ZKSCAN4: variants seen among roughly 807,000 people sequenced by gnomAD.
ZKSCAN4 encodes the protein zinc finger with KRAB and SCAN domains 4.
A neutral mutation model predicts 30.8 loss-of-function variants in ZKSCAN4; 23 were observed. The ratio of observed to expected loss-of-function variants is 0.75; its 90% CI spans 0.54 to 1.06. The LOEUF (loss-of-function observed/expected upper bound fraction) is 1.06, where lower values mean the gene tolerates loss of function less well. ZKSCAN4 is among the 50% of genes least tolerant of loss of function. The pLI is 0.00. For synonymous variants in ZKSCAN4, 208 were observed against 252.5 expected, an observed-to-expected ratio of 0.82 and a Z score of 1.67; for missense variants, 556 against 665.4, an observed-to-expected ratio of 0.84 and a Z score of 1.81.
Position 28,245,057 on chromosome 6 carries a change from T to C in ZKSCAN4, c.*59A>G. Reference sequence around the variant, plus strand: ...CACAATTTCTGTAACCATTAAGGGCTCCAGGGTGGCTTCAGTTCAGTGACA... The same window carrying C: ...CACAATTTCTGTAACCATTAAGGGCCCCAGGGTGGCTTCAGTTCAGTGACA... On this transcript the variant is annotated 3_prime_UTR_variant, in exon 5 of 5. Transcript: ENST00000377294. The C allele has an allele frequency of 1.9e-6, 3 of 1,610,578 alleles. No homozygotes were observed. The highest frequency in any genetic ancestry group is 2.5e-6 in the Non-Finnish European group (3 of 1,177,320).
chr6:28,257,940 A>C, the ZKSCAN4 span, among the ~76,000 whole-genome samples: 2 of 152,248 alleles, frequency 1.3e-5, no homozygotes, highest in Non-Finnish European at 2.9e-5. Flanking sequence ...TCCAAAAGAA[A>C]ATTTTCTTTA....
Position 28,248,094 on chromosome 6 carries a change from T to A in ZKSCAN4, c.627A>T (p.Val209=). The A allele has an allele frequency of 6.2e-7, 1 of 1,613,566 alleles. No homozygotes were observed. Among genetic ancestry groups the A allele is most frequent in the Non-Finnish European group, 8.5e-7 (1 of 1,179,748 alleles). Residue 209 remains valine, a synonymous_variant, in exon 3 of 5, where the codon GTA becomes GTT. Transcript: ENST00000377294. ...GGGACCCTGGAGTGAGCCTGGAAGCTACCATTGCATCTTCTCTGCAGCACC... is the reference window on the plus strand; with the variant it reads ...GGGACCCTGGAGTGAGCCTGGAAGCAACCATTGCATCTTCTCTGCAGCACC... ...QGGCCREDAM[V]ASRLTPGSQG... is the part of the protein sequence containing the mutation.
At chr6:28,246,474 G>A (rs565756344) in intron 4 of ZKSCAN4, among the ~76,000 whole-genome samples, 3 of 152,198 alleles carry the variant, frequency 2.0e-5, no homozygotes, top group East Asian at 3.9e-4. Context: ...TGGCATTGGC[G>A]CTAGGAGTTC....
At chr6:28,253,725 G>A (rs528580398), upstream of ZKSCAN4, among the ~76,000 whole-genome samples, 2 of 152,298 alleles carry the variant, frequency 1.3e-5, no homozygotes, top group South Asian at 2.1e-4. The surrounding 1 kb of genome is among the most constrained non-coding windows in gnomAD (Gnocchi z 4.2). Context: ...TTTGTTTTGC[G>A]ACAGAGTCTT....
upstream of ZKSCAN4, among the ~76,000 whole-genome samples, chr6:28,253,180 G>T (rs952695672): frequency 6.6e-6 from 1 of 152,202 alleles, no homozygotes; most frequent in Admixed American, 6.5e-5. The surrounding 1 kb of genome is among the most constrained non-coding windows in gnomAD (Gnocchi z 4.2). Flanking sequence ...AAAGCCCTGA[G>T]AATTCTTTGA....
At position 28,242,260 on chromosome 6, in the gene ZKSCAN4, T is replaced by G. The variant is rs1760522447; in HGVS notation, c.*2856A>C. On this transcript the variant is annotated 3_prime_UTR_variant, in exon 5 of 5. Transcript: ENST00000377294. ...AGATCTAATTTCATTGGAAAATAAC[T>G]TTTTTGGCCATCCTTTCAATAGGCT... Among the ~76,000 whole-genome samples the G allele has an allele frequency of 6.6e-6, 1 of 152,172 alleles. No homozygotes were observed.
chr6:28,249,646 G>T lies in ZKSCAN4; in HGVS notation c.571+41C>A. On this transcript the variant is annotated intron_variant, in intron 2 of 4. Transcript: ENST00000377294. This position sits in a 1 kb window ranked among gnomAD's most constrained non-coding sequence, Gnocchi z 4.1. ...AGGTGATCCTTAAATGAAATTGGAT[G>T]AAGTCTATAGAATTCATACAACCCA... 6.3e-7 allele frequency: 1 copy of T among 1,586,822 alleles called. No homozygotes were observed. The highest frequency in any genetic ancestry group is 8.6e-7 in the Non-Finnish European group (1 of 1,165,844).
At chr6:28,256,606 C>G (rs1201225196), upstream of ZKSCAN4, among the ~76,000 whole-genome samples, 1 of 152,114 alleles carries the variant, frequency 6.6e-6, no homozygotes, top group Non-Finnish European at 1.5e-5. Flanking sequence ...AAAACTGTCC[C>G]TATTTTCTTA....
chr6:28,251,565 G>A lies in ZKSCAN4; in HGVS notation c.416C>T (p.Ala139Val), dbSNP rs183717456. The A allele has an allele frequency of 3.0e-4, 483 of 1,614,124 alleles. 2 individuals are homozygous for A. The Admixed American group carries it at 7.6e-3, about 25-fold the overall frequency. ...EYLERQLDEP[A>V]PQVPVGDQGQ... is the part of the protein sequence containing the mutation. ...TAAACCTGTTCTTTCTACCTGCGGC[G>A]CCGGCTCATCCAGCTGCCTCTCCAA... Residue 139 changes from alanine (A) to valine (V), a missense_variant, in exon 1 of 5, where the codon GCG (alanine) becomes GTG (valine). This residue lies in a region of ZKSCAN4 where 433 missense variants were observed against 511.5 expected (regional missense o/e 0.85). Coordinates refer to ENST00000377294, the MANE Select transcript of ZKSCAN4 (RefSeq NM_019110.5). This position sits in a 1 kb window ranked among gnomAD's most constrained non-coding sequence, Gnocchi z 4.5.
Position 28,249,332 on chromosome 6 carries a change from T to C in ZKSCAN4, c.571+355A>G, listed in dbSNP as rs973807365. Among the ~76,000 whole-genome samples, 2 of 152,222 alleles carry C rather than the reference T, an allele frequency of 1.3e-5. No individual in the cohort carries two copies. Among genetic ancestry groups the C allele is most frequent in the African/African-American group, 2.4e-5 (1 of 41,448 alleles). ...TTATTTTCTATCCTCCCTGCTAGAA[T>C]GTAAGCTCCATCAAAGCAAGAATTC... On this transcript the variant is annotated intron_variant, in intron 2 of 4. Coordinates refer to ENST00000377294, the MANE Select transcript of ZKSCAN4 (RefSeq NM_019110.5). This position sits in a 1 kb window ranked among gnomAD's most constrained non-coding sequence, Gnocchi z 4.1.
Position 28,249,912 on chromosome 6 carries a change from C to CT in ZKSCAN4, c.424-79dup, listed in dbSNP as rs1204972802. The CT allele has an allele frequency of 6.6e-7, 1 of 1,506,516 alleles. No individual in the cohort carries two copies. The highest frequency in any genetic ancestry group is 2.3e-5 in the East Asian group (1 of 44,272). 93.3% of individuals were successfully genotyped at this position (1,506,516 alleles called of 1,614,324 possible). On this transcript the variant is annotated intron_variant, in intron 1 of 4. Transcript: ENST00000377294. The surrounding 1 kb of genome is among the most constrained non-coding windows in gnomAD (Gnocchi z 4.1). ...GCAAGTGATTTCTATTTTCTAGGCA[C>CT]TGTTTCTACAAGCCTTATGATATTA...
Position 28,252,261 on chromosome 6 carries a change from G to A in ZKSCAN4, c.-281C>T, listed in dbSNP as rs937948771. The A allele has an allele frequency of 2.9e-5, 8 of 275,216 alleles. No individual in the cohort carries two copies. The highest frequency in any genetic ancestry group is 5.4e-5 in the Non-Finnish European group (8 of 148,908). 17.0% of individuals were successfully genotyped at this position (275,216 alleles called of 1,614,324 possible). On this transcript the variant is annotated 5_prime_UTR_variant, in exon 1 of 5. Transcript: ENST00000377294. ...ATCACTCTCCAGACATAGGAGGGAA[G>A]TTGAGGCTGGGGCACAGGAAGTCTC... is the stretch of plus-strand genomic sequence containing the variant.
Position 28,244,895 on chromosome 6 carries a change from C to A in ZKSCAN4, c.*221G>T. On this transcript the variant is annotated 3_prime_UTR_variant, in exon 5 of 5. Transcript: ENST00000377294. ...CAAACTATTTTAGGTCCTACAACTT[C>A]CAGACCACTCTCCCATGGCCTCTTA... The A allele has an allele frequency of 1.6e-6, 1 of 642,286 alleles. No individual in the cohort carries two copies. Among genetic ancestry groups the A allele is most frequent in the Non-Finnish European group, 2.7e-6 (1 of 366,662 alleles). The allele number at this position is 642,286 out of a possible 1,614,324, so 39.8% of individuals were successfully genotyped here.
Position 28,249,777 on chromosome 6 carries a change from G to GT in ZKSCAN4, c.480dup (p.Gln161ThrfsTer8), listed in dbSNP as rs756940912. ...TGGCTACTTTGAGACCCTTGAGTTT[G>GT]TGTCAATAGTGCCATCTTGCAACAG... On this transcript the variant is annotated frameshift_variant, in exon 2 of 5. Transcript: ENST00000377294. LOFTEE classifies it high-confidence loss of function. The surrounding 1 kb of genome is among the most constrained non-coding windows in gnomAD (Gnocchi z 4.1). The GT allele has an allele frequency of 1.9e-6, 3 of 1,614,148 alleles. No individual in the cohort carries two copies. Among genetic ancestry groups the GT allele is most frequent in the Non-Finnish European group, 2.5e-6 (3 of 1,180,028 alleles).
rs775835906 is a variant in ZKSCAN4 at position 28,249,846 on chromosome 6, G to A, written c.424-12C>T. The A allele has an allele frequency of 9.3e-6, 15 of 1,611,252 alleles. No homozygotes were observed. Among genetic ancestry groups the A allele is most frequent in the Admixed American group, 1.7e-5 (1 of 59,214 alleles). ...TCACCAACGGGAACCTAGAAGTCAC[G>A]ATTTTTAGTTATCTACCCAACATTT... On this transcript the variant is annotated splice_polypyrimidine_tract_variant and intron_variant, in intron 1 of 4. Transcript: ENST00000377294. This position sits in a 1 kb window ranked among gnomAD's most constrained non-coding sequence, Gnocchi z 4.1.
chr6:28,248,007 C>G, intron 3 of ZKSCAN4, 60 bp downstream of exon 3: 2 of 1,286,764 alleles, frequency 1.6e-6, no homozygotes, highest in Non-Finnish European at 2.2e-6. Flanking sequence ...GAACTTAATG[C>G]GGAGCCCAAC....
In ZKSCAN4 at chr6:28,244,761, G is replaced by C; in HGVS notation, c.*355C>G. 3.0e-6 allele frequency: 1 copy of C among 331,472 alleles called. No individual in the cohort carries two copies. The highest frequency in any genetic ancestry group is 5.8e-6 in the Non-Finnish European group (1 of 173,690). The allele number at this position is 331,472 out of a possible 1,614,324, so 20.5% of individuals were successfully genotyped here. On this transcript the variant is annotated 3_prime_UTR_variant, in exon 5 of 5. Transcript: ENST00000377294. Reference sequence around the variant, plus strand: ...AAGATTCATTAGAGGCAAAATGAATGGTCAGAGCAGCAGCCCCCCACATCA... The same window carrying C: ...AAGATTCATTAGAGGCAAAATGAATCGTCAGAGCAGCAGCCCCCCACATCA...
chr6:28,249,248 A>C lies in ZKSCAN4; in HGVS notation c.571+439T>G, dbSNP rs1416031034. The stretch of plus-strand genomic sequence containing the variant: ...TCTCTGGAATGTTCTGGCTGGCTTT[A>C]CAAATTCTGCCTTATTTTCTTCATA... On this transcript the variant is annotated intron_variant, in intron 2 of 4. Transcript: ENST00000377294. The surrounding 1 kb of genome is among the most constrained non-coding windows in gnomAD (Gnocchi z 4.1). Among the ~76,000 whole-genome samples the C allele has an allele frequency of 6.6e-6, 1 of 152,224 alleles. No individual in the cohort carries two copies. Among genetic ancestry groups the C allele is most frequent in the Non-Finnish European group, 1.5e-5 (1 of 68,040 alleles).
Position 28,251,958 on chromosome 6 carries a change from T to C in ZKSCAN4, c.23A>G (p.Asn8Ser). Residue 8 changes from asparagine (N) to serine (S), a missense_variant, in exon 1 of 5, where the codon AAC (asparagine) becomes AGC (serine). By Grantham distance (46) the Asn-to-Ser change is conservative. Coordinates refer to ENST00000377294, the MANE Select transcript of ZKSCAN4 (RefSeq NM_019110.5). This position sits in a 1 kb window ranked among gnomAD's most constrained non-coding sequence, Gnocchi z 4.5. Reference sequence around the variant, plus strand: ...TGCAGACTGGGCGTCCAGGGCTGCGTTTTTTCTCGGTTCTCTAGCCATTCT... The same window carrying C: ...TGCAGACTGGGCGTCCAGGGCTGCGCTTTTTCTCGGTTCTCTAGCCATTCT... MAREPRK[N>S]AALDAQSAED... is the part of the protein sequence containing the mutation. 1 of 1,520,448 alleles carries C rather than the reference T, an allele frequency of 6.6e-7. No individual in the cohort carries two copies. The highest frequency in any genetic ancestry group is 8.8e-7 in the Non-Finnish European group (1 of 1,138,682). 94.2% of individuals were successfully genotyped at this position (1,520,448 alleles called of 1,614,324 possible).
Sources: gnomAD v4.1 joint callset for allele counts (sites outside exome capture counted in the v4.1 genomes callset) on GRCh38, gnomAD v4.1.1 for gene constraint, gnomAD v4.1.1 regional missense constraint, Gnocchi (gnomAD v3.1) non-coding constraint, MANE v1.5 for transcripts, NCBI Gene and HGNC (gene_info 2026-07-23, HGNC 2026-07-21) for gene names.